The following KSR2 variants were observed in gnomAD, a reference collection of about 807,000 sequenced individuals.
KSR2 encodes kinase suppressor of ras 2.
Under a neutral mutation model 107.8 loss-of-function variants are expected in KSR2, and 25 were observed. The ratio of observed to expected loss-of-function variants is 0.23; its 90% CI spans 0.17 to 0.32. KSR2 has a LOEUF of 0.32. Ranked by LOEUF, KSR2 falls within the 10% of genes least tolerant of loss-of-function variation. KSR2 has a pLI of 1.00. For synonymous variants in KSR2, 480 were observed against 507.0 expected, an observed-to-expected ratio of 0.95 and a Z score of 0.71; for missense variants, 887 against 1,268.9, an observed-to-expected ratio of 0.70 and a Z score of 4.57.
intron 15 of KSR2, among the ~76,000 whole-genome samples, chr12:117,485,183 T>C (rs1872394444): frequency 6.6e-6 from 1 of 152,222 alleles, no homozygotes; most frequent in South Asian, 2.1e-4. Flanking sequence ...AGAATGTTCT[T>C]GTTTGTTTTA....
At chr12:117,911,176 A>T (rs7957735) in intron 1 of KSR2, among the ~76,000 whole-genome samples, 15,910 of 127,190 alleles carry the variant, frequency 0.13, 905 homozygotes, top group African/African-American at 0.16. Flanking sequence ...TCTCTCTCTC[A>T]CACACACACA....
chr12:117,920,498 T>C (rs376580352), intron 1 of KSR2, among the ~76,000 whole-genome samples: 1 of 152,108 alleles, frequency 6.6e-6, no homozygotes. Flanking sequence ...TCTCCTAAGT[T>C]AAACAGATAA....
At chr12:117,621,926 G>A (rs1173468199) in intron 5 of KSR2, among the ~76,000 whole-genome samples, 1 of 152,040 alleles carries the variant, frequency 6.6e-6, no homozygotes, top group African/African-American at 2.4e-5. Flanking sequence ...ACAAAAATTT[G>A]CAAAGGATGA....
At chr12:117,887,184 A>G (rs982293530) in intron 1 of KSR2, among the ~76,000 whole-genome samples, 5 of 152,290 alleles carry the variant, frequency 3.3e-5, no homozygotes, top group African/African-American at 1.2e-4. Flanking sequence ...TCAGCCTCCC[A>G]AAGTACTGAG....
intron 5 of KSR2, among the ~76,000 whole-genome samples, chr12:117,629,960 C>T (rs899882277): frequency 3.3e-5 from 5 of 152,198 alleles, no homozygotes; most frequent in African/African-American, 1.2e-4. Context: ...AGTGGCCTGC[C>T]AGCAGCTTTA....
chr12:117,957,632 T>C (rs539704605), intron 1 of KSR2, among the ~76,000 whole-genome samples: 4 of 152,232 alleles, frequency 2.6e-5, no homozygotes, highest in African/African-American at 7.2e-5. Context: ...CTTCCTAGTT[T>C]TCTACTCATT....
At position 117,456,017 on chromosome 12, in the gene KSR2, G is replaced by A. The variant is rs899384103; in HGVS notation, c.*11182C>T. Reference sequence around the variant, plus strand: ...TGGCCTCTGTGCTCCAAGCCTTGGGGCTTTATGAGGATTGATTCCAGACGC... The same window carrying A: ...TGGCCTCTGTGCTCCAAGCCTTGGGACTTTATGAGGATTGATTCCAGACGC... On this transcript the variant is annotated 3_prime_UTR_variant, in exon 20 of 20. Coordinates refer to ENST00000339824, the MANE Select transcript of KSR2 (RefSeq NM_173598.6). 6.6e-6 allele frequency: 1 copy of A among 152,218 alleles called. No homozygotes were observed. Among genetic ancestry groups the A allele is most frequent in the Non-Finnish European group, 1.5e-5 (1 of 68,060 alleles). The allele number at this position is 152,218 out of a possible 1,614,324, so 9.4% of individuals were successfully genotyped here.
In KSR2 at chr12:117,460,338, AC is replaced by A. The variant is rs1870829856; in HGVS notation, c.*6860del. ...GAGTGGGAAGGAAGGGCCCTTTCCC[AC>A]CCCTGAGAGGGAAGAGCACTCACTG... On this transcript the variant is annotated 3_prime_UTR_variant, in exon 20 of 20. Coordinates refer to ENST00000339824, the MANE Select transcript of KSR2 (RefSeq NM_173598.6). 6.6e-6 allele frequency: 1 copy of A among 152,142 alleles called. No individual in the cohort carries two copies. Among genetic ancestry groups the A allele is most frequent in the South Asian group, 2.1e-4 (1 of 4,806 alleles). 9.4% of individuals were successfully genotyped at this position (152,142 alleles called of 1,614,324 possible).
At chr12:117,550,881 C>A (rs1877252434) in intron 9 of KSR2, among the ~76,000 whole-genome samples, 1 of 152,134 alleles carries the variant, frequency 6.6e-6, no homozygotes, top group Non-Finnish European at 1.5e-5. Flanking sequence ...TAAAGACCAT[C>A]CTCCACGTCT....
rs374493681 is a variant in KSR2 at position 117,719,903 on chromosome 12, C to T, written c.986+41108G>A. 3.1e-4 allele frequency among the ~76,000 whole-genome samples: 47 copies of T among 152,226 alleles called. No homozygotes were observed. In the South Asian group the frequency reaches 8.1e-3, roughly 26 times the overall value. On this transcript the variant is annotated intron_variant, in intron 4 of 19. Coordinates refer to ENST00000339824, the MANE Select transcript of KSR2 (RefSeq NM_173598.6). ...TCTTCTGAGGTTAGTGTGTTGGGGG[C>T]GAAGGGCAATGCTTCTCCTTACCCT... is the stretch of plus-strand genomic sequence containing the variant.
chr12:117,935,541 A>G (rs908524766), intron 1 of KSR2, among the ~76,000 whole-genome samples: 2 of 152,120 alleles, frequency 1.3e-5, no homozygotes, highest in East Asian at 1.9e-4. Flanking sequence ...TGGGTGGATC[A>G]TTTGAGGTCA....
chr12:117,941,504 T>A (rs1202043895), intron 1 of KSR2, among the ~76,000 whole-genome samples: 1 of 152,044 alleles, frequency 6.6e-6, no homozygotes, highest in African/African-American at 2.4e-5. Flanking sequence ...GATCAGTTGA[T>A]GCACAGATGT....
chr12:117,502,799 T>C (rs541253871), intron 14 of KSR2, among the ~76,000 whole-genome samples: 198 of 152,318 alleles, frequency 1.3e-3, no homozygotes, highest in African/African-American at 4.5e-3. Context: ...TAAAACACCC[T>C]GATTTCACAG....
intron 10 of KSR2, among the ~76,000 whole-genome samples, chr12:117,536,201 T>C (rs1202668215): frequency 6.6e-6 from 1 of 152,212 alleles, no homozygotes; most frequent in Non-Finnish European, 1.5e-5. Context: ...ATGCCTAAGC[T>C]TTAGCTTAAA....
rs374625656 is a variant in KSR2, at chr12:117,753,101, G to A, written c.986+7910C>T. Among the ~76,000 whole-genome samples the A allele has an allele frequency of 3.3e-5, 5 of 152,326 alleles. No individual in the cohort carries two copies. The East Asian group carries it at 9.6e-4, about 29-fold the overall frequency. On this transcript the variant is annotated intron_variant, in intron 4 of 19. Transcript: ENST00000339824. ...CAAAGGCTGATAAGAATGTCAGAGGGATTCTTGATAACTCTCCATGCCTAT... is the reference window on the plus strand; with the variant it reads ...CAAAGGCTGATAAGAATGTCAGAGGAATTCTTGATAACTCTCCATGCCTAT...
At chr12:117,918,421 C>T (rs1367231506) in intron 1 of KSR2, among the ~76,000 whole-genome samples, 1 of 152,146 alleles carries the variant, frequency 6.6e-6, no homozygotes, top group Non-Finnish European at 1.5e-5. Context: ...AACTTCCTTG[C>T]CCCTATCACC....
intron 5 of KSR2, among the ~76,000 whole-genome samples, chr12:117,610,263 A>C (rs1033289546): frequency 2.6e-5 from 4 of 152,174 alleles, no homozygotes; most frequent in Non-Finnish European, 5.9e-5. Context: ...TACTCTTCTA[A>C]AAATGCCACC....
chr12:117,947,205 A>AAAAGAAAGAAAGAAAGAAAGAAAGAAAG (rs773449400), intron 1 of KSR2, among the ~76,000 whole-genome samples: 3 of 69,232 alleles, frequency 4.3e-5, no homozygotes, highest in African/African-American at 1.4e-4. Flanking sequence ...GAAAAGAAAG[A>AAAAGAAAGAAAGAAAGAAAGAAAGAAAG]AAAGAAAGAA....
intron 1 of KSR2, among the ~76,000 whole-genome samples, chr12:117,965,875 T>C (rs1025128258): frequency 2.6e-5 from 4 of 152,206 alleles, no homozygotes; most frequent in African/African-American, 9.7e-5. Flanking sequence ...TGGACCCAAA[T>C]GTTAGCGTTG....
Sources: gnomAD v4.1 joint callset for allele counts (sites outside exome capture counted in the v4.1 genomes callset) on GRCh38, gnomAD v4.1.1 for gene constraint, MANE v1.5 for transcripts, NCBI Gene and HGNC (gene_info 2026-07-23, HGNC 2026-07-21) for gene names.